SPOCK1: variants seen among roughly 807,000 people sequenced by gnomAD.
SPOCK1 encodes the protein testican-1.
SPOCK1 carries 23 observed loss-of-function variants against 55.3 expected under a neutral mutation model. That is an observed-to-expected ratio of 0.42 (90% confidence interval 0.30 to 0.59). The LOEUF is 0.59. SPOCK1 is among the 20% of genes least tolerant of loss of function. SPOCK1 has a pLI of 0.22. For synonymous variants in SPOCK1, 226 were observed against 221.0 expected, an observed-to-expected ratio of 1.02 and a Z score of -0.20; for missense variants, 499 against 552.5, an observed-to-expected ratio of 0.90 and a Z score of 0.97.
At chr5:137,181,487 C>G (rs1173291632) in intron 3 of SPOCK1, among the ~76,000 whole-genome samples, 1 of 152,190 alleles carries the variant, frequency 6.6e-6, no homozygotes, top group Admixed American at 6.5e-5. Flanking sequence ...ATTTCTGCCT[C>G]AGAAATGAAA....
chr5:137,230,668 G>T (rs1756033356), intron 3 of SPOCK1, among the ~76,000 whole-genome samples: 1 of 151,886 alleles, frequency 6.6e-6, no homozygotes, highest in Non-Finnish European at 1.5e-5. Flanking sequence ...ATTATAATAG[G>T]ACCTGTTTGA....
chr5:137,494,176 T>G (rs1652480946), intron 2 of SPOCK1, among the ~76,000 whole-genome samples: 1 of 152,250 alleles, frequency 6.6e-6, no homozygotes, highest in Non-Finnish European at 1.5e-5. Flanking sequence ...AATATTATTT[T>G]AATCAAATCA....
intron 3 of SPOCK1, among the ~76,000 whole-genome samples, chr5:137,218,941 A>G (rs1022638478): frequency 2.6e-5 from 4 of 152,210 alleles, no homozygotes; most frequent in African/African-American, 9.6e-5. Flanking sequence ...GGCTCCAAGC[A>G]GGCTGAAGTG....
chr5:137,434,796 C>T (rs953128451), intron 2 of SPOCK1, among the ~76,000 whole-genome samples: 3 of 152,068 alleles, frequency 2.0e-5, no homozygotes, highest in African/African-American at 4.8e-5. Context: ...CCACCACGCC[C>T]GGCCTCCATT....
chr5:137,122,684 T>C (rs1423641404), intron 4 of SPOCK1, among the ~76,000 whole-genome samples: 1 of 152,190 alleles, frequency 6.6e-6, no homozygotes, highest in Non-Finnish European at 1.5e-5. Context: ...TGAGCATTCA[T>C]AATCCTCCTT....
intron 2 of SPOCK1, among the ~76,000 whole-genome samples, chr5:137,442,307 A>G (rs1405205101): frequency 6.6e-6 from 1 of 152,238 alleles, no homozygotes; most frequent in Non-Finnish European, 1.5e-5. Flanking sequence ...GCAGGCAAGG[A>G]GGCTCTGACT....
intron 6 of SPOCK1, among the ~76,000 whole-genome samples, chr5:137,057,981 A>G (rs2127001209): frequency 6.6e-6 from 1 of 152,320 alleles, no homozygotes; most frequent in East Asian, 1.9e-4. Flanking sequence ...CAGAGAGCTA[A>G]GCCTGCTTGA....
intron 2 of SPOCK1, among the ~76,000 whole-genome samples, chr5:137,328,697 A>G (rs1199687648): frequency 6.6e-6 from 1 of 152,158 alleles, no homozygotes; most frequent in East Asian, 1.9e-4. Flanking sequence ...TGCTATTCTC[A>G]TTCGCACTTT....
At chr5:137,008,295 T>C (rs572011848) in intron 6 of SPOCK1, among the ~76,000 whole-genome samples, 1,540 of 138,398 alleles carry the variant, frequency 0.011, 11 homozygotes, top group Non-Finnish European at 0.018. Flanking sequence ...TAATAATAAA[T>C]ACACACACAC....
intron 3 of SPOCK1, among the ~76,000 whole-genome samples, chr5:137,183,152 A>C (rs956095520): frequency 2.0e-5 from 3 of 152,198 alleles, no homozygotes; most frequent in Non-Finnish European, 4.4e-5. Flanking sequence ...CAATCTCATT[A>C]ATCTTTATGG....
chr5:137,284,366 T>G (rs561062570), intron 2 of SPOCK1, among the ~76,000 whole-genome samples: 1 of 152,304 alleles, frequency 6.6e-6, no homozygotes, highest in Admixed American at 6.5e-5. Context: ...AGCTGCTACA[T>G]GGAGAAATTA....
chr5:137,329,207 C>T (rs967833350), intron 2 of SPOCK1, among the ~76,000 whole-genome samples: 1 of 150,854 alleles, frequency 6.6e-6, no homozygotes, highest in Admixed American at 6.6e-5. Flanking sequence ...GGGCATTGGT[C>T]TTTTCCTGCC....
At chr5:137,498,016 G>C (rs929297169) in intron 2 of SPOCK1, among the ~76,000 whole-genome samples, 1 of 152,124 alleles carries the variant, frequency 6.6e-6, no homozygotes, top group Non-Finnish European at 1.5e-5. Flanking sequence ...GCTAGGGAAA[G>C]TCTACCATCA....
At chr5:137,492,355 A>G (rs2149845624) in intron 2 of SPOCK1, among the ~76,000 whole-genome samples, 1 of 152,372 alleles carries the variant, frequency 6.6e-6, no homozygotes, top group South Asian at 2.1e-4. Flanking sequence ...GCAGATTTGC[A>G]GTTGCCATGA....
intron 2 of SPOCK1, among the ~76,000 whole-genome samples, chr5:137,492,769 G>T (rs894973498): frequency 1.3e-5 from 2 of 152,210 alleles, no homozygotes; most frequent in African/African-American, 4.8e-5. Context: ...CAGTTGCTTG[G>T]ACCATGTCTT....
intron 2 of SPOCK1, among the ~76,000 whole-genome samples, chr5:137,307,277 G>T (rs1757715286): frequency 6.6e-6 from 1 of 152,184 alleles, no homozygotes; most frequent in Admixed American, 6.5e-5. Context: ...CCACTTAACT[G>T]CCGTCTCCAA....
chr5:137,188,894 A>G (rs1180663650), intron 3 of SPOCK1, among the ~76,000 whole-genome samples: 1 of 152,266 alleles, frequency 6.6e-6, no homozygotes, highest in Non-Finnish European at 1.5e-5. Context: ...CACACAAATT[A>G]CAGAAAACCG....
rs961381996 is a variant in SPOCK1, at chr5:137,155,643, A to C, written c.233-14949T>G. On this transcript the variant is annotated intron_variant, in intron 3 of 10. Coordinates refer to ENST00000394945, the MANE Select transcript of SPOCK1 (RefSeq NM_004598.4). ...CACCAGATCCCACTGGCTGGGACTA[A>C]AACAGCCATCAGGCTTTTTGTGATC... Among the ~76,000 whole-genome samples, 8 of 152,258 alleles carry C rather than the reference A, an allele frequency of 5.3e-5. No individual in the cohort carries two copies. In the East Asian group the frequency reaches 5.8e-4, roughly 11 times the overall value.
intron 2 of SPOCK1, among the ~76,000 whole-genome samples, chr5:137,446,508 A>C (rs1467433836): frequency 6.6e-6 from 1 of 152,178 alleles, no homozygotes; most frequent in African/African-American, 2.4e-5. Context: ...GAACAAGTCT[A>C]ACCTGGATTC....
Sources: allele counts gnomAD v4.1 joint callset (sites outside exome capture counted in the v4.1 genomes callset), GRCh38; gene constraint gnomAD v4.1.1; transcripts MANE v1.5; gene names NCBI Gene and HGNC (gene_info 2026-07-23, HGNC 2026-07-21).